Variants in PTPRD observed in about 807,000 individuals in gnomAD.
PTPRD encodes protein tyrosine phosphatase receptor type D, also known as receptor-type tyrosine-protein phosphatase delta.
Under a neutral mutation model 214.5 loss-of-function variants are expected in PTPRD, and 34 were observed. That is an observed-to-expected ratio of 0.16 (90% confidence interval 0.12 to 0.21). PTPRD has a LOEUF of 0.21. Ranked by LOEUF, PTPRD falls within the 10% of genes least tolerant of loss-of-function variation. The probability of loss-of-function intolerance (pLI) is 1.00; values close to 1 mark genes in which losing one functional copy is unlikely to be tolerated. For synonymous variants in PTPRD, 1,128 were observed against 845.7 expected (o/e 1.33, Z -5.79); for missense variants, 2,545 against 2,398.7 (o/e 1.06, Z -1.27).
intron 8 of PTPRD, among the ~76,000 whole-genome samples, chr9:9,417,858 C>A (rs1204652686): frequency 2.0e-5 from 3 of 152,018 alleles, no homozygotes; most frequent in East Asian, 3.9e-4. Flanking sequence ...CTATGCTAAT[C>A]AAATATAATG....
chr9:10,451,729 T>A (rs1451105165), intron 2 of PTPRD, among the ~76,000 whole-genome samples: 1 of 151,986 alleles, frequency 6.6e-6, no homozygotes, highest in Non-Finnish European at 1.5e-5. Context: ...AGTGGTTTTC[T>A]AAGTATTCAT....
chr9:9,277,431 C>T (rs570526228), intron 9 of PTPRD, among the ~76,000 whole-genome samples: 52 of 150,924 alleles, frequency 3.4e-4, no homozygotes, highest in African/African-American at 8.5e-4. Context: ...CAATTTTTTC[C>T]GTTGAAATTT....
chr9:9,525,803 A>G (rs1185250555), intron 8 of PTPRD, among the ~76,000 whole-genome samples: 1 of 151,844 alleles, frequency 6.6e-6, no homozygotes, highest in Non-Finnish European at 1.5e-5. Flanking sequence ...TAAATTTTAT[A>G]CCTTTGTAAA....
chr9:9,828,074 A>G (rs1281277618), intron 5 of PTPRD, among the ~76,000 whole-genome samples: 1 of 152,248 alleles, frequency 6.6e-6, no homozygotes, highest in Non-Finnish European at 1.5e-5. Context: ...AACTAGCTCA[A>G]CCCTTGTGGA....
intron 10 of PTPRD, among the ~76,000 whole-genome samples, chr9:9,050,616 G>A (rs1292611408): frequency 6.6e-6 from 1 of 152,062 alleles, no homozygotes; most frequent in Non-Finnish European, 1.5e-5. Flanking sequence ...GCATCACTCT[G>A]AGTAGAGTGA....
At chr9:8,684,687 T>C (rs901512115) in intron 12 of PTPRD, among the ~76,000 whole-genome samples, 13 of 152,178 alleles carry the variant, frequency 8.5e-5, no homozygotes, top group African/African-American at 3.1e-4. Flanking sequence ...ATGTTAAGAT[T>C]GATTAACAGG....
intron 2 of PTPRD, among the ~76,000 whole-genome samples, chr9:10,543,648 C>G: frequency 6.6e-6 from 1 of 152,196 alleles, no homozygotes; most frequent in East Asian, 1.9e-4. Flanking sequence ...ACAAGATGGG[C>G]TAGTTCCTTT....
At chr9:8,494,339 G>C (rs183702393) in intron 26 of PTPRD, among the ~76,000 whole-genome samples, 5 of 152,286 alleles carry the variant, frequency 3.3e-5, no homozygotes, top group East Asian at 1.9e-4. Context: ...ATCCTGAAGA[G>C]TCACTGGAAA....
At chr9:10,298,854 A>T (rs921140210) in intron 3 of PTPRD, among the ~76,000 whole-genome samples, 1 of 152,078 alleles carries the variant, frequency 6.6e-6, no homozygotes, top group Non-Finnish European at 1.5e-5. Flanking sequence ...TTAAGCACTG[A>T]AAATAGAGAC....
chr9:9,209,663 G>A (rs1593613232), intron 9 of PTPRD, among the ~76,000 whole-genome samples: 1 of 152,160 alleles, frequency 6.6e-6, no homozygotes, highest in Non-Finnish European at 1.5e-5. Context: ...AAACCAGACT[G>A]TTCATGAGTT....
chr9:8,884,081 C>T (rs1230670261), intron 11 of PTPRD, among the ~76,000 whole-genome samples: 1 of 152,096 alleles, frequency 6.6e-6, no homozygotes, highest in Non-Finnish European at 1.5e-5. Context: ...CCCCATTTTA[C>T]CAAAGGAGTA....
intron 3 of PTPRD, among the ~76,000 whole-genome samples, chr9:10,293,430 C>T (rs2095587231): frequency 6.6e-6 from 1 of 151,862 alleles, no homozygotes; most frequent in African/African-American, 2.4e-5. Flanking sequence ...GGAGATCCAG[C>T]ATTTGATATT....
intron 4 of PTPRD, among the ~76,000 whole-genome samples, chr9:10,006,171 G>A (rs1363330401): frequency 1.3e-5 from 2 of 151,924 alleles, no homozygotes; most frequent in East Asian, 3.9e-4. Context: ...GTAAATAAGA[G>A]TAAAACCTGG....
chr9:9,556,521 A>G (rs917025545), intron 8 of PTPRD, among the ~76,000 whole-genome samples: 5 of 152,340 alleles, frequency 3.3e-5, no homozygotes, highest in East Asian at 1.9e-4. Flanking sequence ...AAGTCTATCA[A>G]TTGTGTTTCA....
rs964162367 is a variant in PTPRD at position 9,760,966 on chromosome 9, T to C, written c.-326+5844A>G. 4.6e-5 allele frequency among the ~76,000 whole-genome samples: 7 copies of C among 152,286 alleles called. No homozygotes were observed. In the East Asian group the frequency reaches 9.7e-4, roughly 21 times the overall value. ...CATCACTGCTAGGAATATAAAATGG[T>C]ACAGCTACACTGAAAAACAGTTGGG... On this transcript the variant is annotated intron_variant, in intron 6 of 45. Coordinates refer to ENST00000381196, the MANE Select transcript of PTPRD (RefSeq NM_002839.4).
chr9:9,510,064 C>G (rs1347291399), intron 8 of PTPRD, among the ~76,000 whole-genome samples: 1 of 151,590 alleles, frequency 6.6e-6, no homozygotes, highest in Non-Finnish European at 1.5e-5. Flanking sequence ...ACATCTCATC[C>G]ATGTCTGTTT....
intron 35 of PTPRD, among the ~76,000 whole-genome samples, chr9:8,423,438 C>A (rs2094481829): frequency 6.6e-6 from 1 of 152,128 alleles, no homozygotes; most frequent in African/African-American, 2.4e-5. Flanking sequence ...CTTTTCAAAT[C>A]ATTTAGCAGC....
At chr9:9,218,594 C>T (rs962000326) in intron 9 of PTPRD, among the ~76,000 whole-genome samples, 1 of 152,052 alleles carries the variant, frequency 6.6e-6, no homozygotes. Flanking sequence ...AAGCTAAGTC[C>T]TTTGGTAACA....
chr9:10,031,088 C>G (rs1237217788), intron 4 of PTPRD, among the ~76,000 whole-genome samples: 1 of 152,082 alleles, frequency 6.6e-6, no homozygotes, highest in Non-Finnish European at 1.5e-5. Context: ...TTCCAGGGTC[C>G]AAGTATAGAT....
Sources: gnomAD v4.1 joint callset for allele counts (sites outside exome capture counted in the v4.1 genomes callset) on GRCh38, gnomAD v4.1.1 for gene constraint, MANE v1.5 for transcripts, NCBI Gene and HGNC (gene_info 2026-07-23, HGNC 2026-07-21) for gene names.